DLGAP2: variants seen among roughly 807,000 people sequenced by gnomAD.
DLGAP2 encodes the protein disks large-associated protein 2.
DLGAP2 carries 26 observed loss-of-function variants against 100.3 expected under a neutral mutation model. That is an observed-to-expected ratio of 0.26 (90% CI 0.19 to 0.36). The LOEUF (loss-of-function observed/expected upper bound fraction) is 0.36, where lower values mean the gene tolerates loss of function less well. Ranked by LOEUF, DLGAP2 falls within the 10% of genes least tolerant of loss-of-function variation. The pLI is 1.00. For missense variants in DLGAP2, 1,858 were observed against 1,453.2 expected, an observed-to-expected ratio of 1.28 and a Z score of -4.53; for synonymous variants, 886 against 630.1, an observed-to-expected ratio of 1.41 and a Z score of -6.08.
intron 2 of DLGAP2, among the ~76,000 whole-genome samples, chr8:1,195,483 A>G (rs1797731618): frequency 6.6e-6 from 1 of 152,384 alleles, no homozygotes; most frequent in South Asian, 2.1e-4. Context: ...TTCAGAAAGC[A>G]CTACTGAGAA....
chr8:838,342 C>A (rs1482432803), intron 1 of DLGAP2, among the ~76,000 whole-genome samples: 1 of 152,064 alleles, frequency 6.6e-6, no homozygotes, highest in Non-Finnish European at 1.5e-5. Flanking sequence ...TCCATTCACA[C>A]AAATCCTTAT....
chr8:1,601,261 A>G (rs1370893284), intron 6 of DLGAP2, among the ~76,000 whole-genome samples: 1 of 151,730 alleles, frequency 6.6e-6, no homozygotes, highest in East Asian at 1.9e-4. Flanking sequence ...TCCCAGAGGG[A>G]CTCCTGCCAG....
chr8:1,182,364 C>G (rs546161009), intron 2 of DLGAP2, among the ~76,000 whole-genome samples: 1 of 152,252 alleles, frequency 6.6e-6, no homozygotes, highest in African/African-American at 2.4e-5. Context: ...GGTGGCTGGA[C>G]TGAGAGTTGG....
At chr8:1,185,826 C>T (rs1797491493) in intron 2 of DLGAP2, among the ~76,000 whole-genome samples, 1 of 152,118 alleles carries the variant, frequency 6.6e-6, no homozygotes. Context: ...TAGCTTTAAA[C>T]ACAAACACAC....
At chr8:1,493,106 C>T (rs961508931) in intron 3 of DLGAP2, among the ~76,000 whole-genome samples, 1 of 152,168 alleles carries the variant, frequency 6.6e-6, no homozygotes, top group Non-Finnish European at 1.5e-5. Flanking sequence ...AAGGTGACAA[C>T]GAGCTCAAGC....
chr8:1,275,361 GA>G (rs113417814), intron 3 of DLGAP2, among the ~76,000 whole-genome samples: 5,700 of 140,106 alleles, frequency 0.041, 132 homozygotes, highest in East Asian at 0.13. Flanking sequence ...ATTTGGAATG[GA>G]AAAAAAAAAA....
At chr8:1,505,154 G>A (rs1799862996) in intron 4 of DLGAP2, among the ~76,000 whole-genome samples, 1 of 152,194 alleles carries the variant, frequency 6.6e-6, no homozygotes, top group African/African-American at 2.4e-5. Context: ...TTTAAATTGA[G>A]AGGGTTAAAT....
intron 3 of DLGAP2, among the ~76,000 whole-genome samples, chr8:1,478,360 G>A (rs145923797): frequency 2.3e-3 from 345 of 152,336 alleles, no homozygotes; most frequent in African/African-American, 7.6e-3. Context: ...CATGTGAGAC[G>A]TGGTGTGTGT....
intron 2 of DLGAP2, among the ~76,000 whole-genome samples, chr8:1,160,270 G>C (rs1312101556): frequency 6.6e-6 from 1 of 152,204 alleles, no homozygotes; most frequent in Non-Finnish European, 1.5e-5. Flanking sequence ...CCACGGCTTT[G>C]ACATGCCCTC....
At chr8:1,410,686 G>A (rs768612022) in intron 3 of DLGAP2, among the ~76,000 whole-genome samples, 4 of 152,174 alleles carry the variant, frequency 2.6e-5, no homozygotes, top group Non-Finnish European at 5.9e-5. Flanking sequence ...ACGGCATCAG[G>A]GACACCCCAT....
At chr8:1,012,650 A>G (rs1353793216) in intron 2 of DLGAP2, among the ~76,000 whole-genome samples, 10 of 91,656 alleles carry the variant, frequency 1.1e-4, no homozygotes, top group East Asian at 7.1e-4. Context: ...CCGTCCGACC[A>G]GCCCCCCACT....
At chr8:1,196,921 G>A (rs1310181542) in intron 2 of DLGAP2, among the ~76,000 whole-genome samples, 1 of 152,158 alleles carries the variant, frequency 6.6e-6, no homozygotes, top group African/African-American at 2.4e-5. Flanking sequence ...TGATTATGGG[G>A]GCTGAGAGGT....
chr8:1,589,493 G>A (rs1584961391), intron 6 of DLGAP2, among the ~76,000 whole-genome samples: 1 of 152,186 alleles, frequency 6.6e-6, no homozygotes, highest in East Asian at 1.9e-4. Flanking sequence ...CTGGAGTGCA[G>A]TGGGAGGATC....
chr8:1,316,892 T>C (rs1203572351), intron 3 of DLGAP2, among the ~76,000 whole-genome samples: 18 of 128,394 alleles, frequency 1.4e-4, no homozygotes, highest in Admixed American at 1.3e-3. Context: ...CTTTTAAAAA[T>C]AGAGCGTGTG....
chr8:1,457,959 G>T (rs1798361803), intron 3 of DLGAP2, among the ~76,000 whole-genome samples: 1 of 123,894 alleles, frequency 8.1e-6, no homozygotes, highest in Non-Finnish European at 1.7e-5. Flanking sequence ...CCTGTCAATT[G>T]TCTCTGTTCT....
chr8:1,380,531 AG>A (rs112454317), intron 3 of DLGAP2, among the ~76,000 whole-genome samples: 11,850 of 152,146 alleles, frequency 0.078, 724 homozygotes, highest in East Asian at 0.23. Flanking sequence ...CTTTTTTCTG[AG>A]AAAGTGTGCG....
At chr8:1,317,597 C>A (rs1217902083) in intron 3 of DLGAP2, among the ~76,000 whole-genome samples, 2 of 123,780 alleles carry the variant, frequency 1.6e-5, no homozygotes, top group Admixed American at 8.4e-5. Flanking sequence ...AAAATACAGG[C>A]TGTGCGAGTG....
chr8:900,605 TGGA>T (rs1798233673), intron 1 of DLGAP2, among the ~76,000 whole-genome samples: 2 of 152,166 alleles, frequency 1.3e-5, no homozygotes. Context: ...TCAGCACCCA[TGGA>T]TGGCTCCTGC....
At chr8:1,492,953 C>T (rs184303006) in intron 3 of DLGAP2, among the ~76,000 whole-genome samples, 116 of 152,318 alleles carry the variant, frequency 7.6e-4, no homozygotes, top group African/African-American at 2.7e-3. Context: ...GCCATCCCAC[C>T]TACGCATAGG....
Sources: gnomAD v4.1 joint callset for allele counts (sites outside exome capture counted in the v4.1 genomes callset) on GRCh38, gnomAD v4.1.1 for gene constraint, MANE v1.5 for transcripts, NCBI Gene and HGNC (gene_info 2026-07-23, HGNC 2026-07-21) for gene names.